SMC5: variants seen among roughly 807,000 people sequenced by gnomAD.
SMC5 encodes the protein structural maintenance of chromosomes 5.
A neutral mutation model predicts 148.3 loss-of-function variants in SMC5; 88 were observed. That is an observed-to-expected ratio of 0.59 (90% CI 0.50 to 0.71). SMC5 has a LOEUF of 0.71. SMC5 is among the 30% of genes least tolerant of loss of function. The probability of loss-of-function intolerance (pLI) is 0.00; values close to 1 mark genes in which losing one functional copy is unlikely to be tolerated. For missense variants in SMC5, 1,142 were observed against 1,298.9 expected (o/e 0.88, Z 1.86); for synonymous variants, 421 against 432.8 (o/e 0.97, Z 0.34).
chr9:70,267,900 A>T, intron 2 of SMC5, 23 bp from the exon 3 acceptor site: 1 of 1,600,408 alleles, frequency 6.2e-7, no homozygotes, highest in Non-Finnish European at 8.5e-7. Flanking sequence ...TACACAGCTC[A>T]CTTTTTCTTT....
intron 8 of SMC5, among the ~76,000 whole-genome samples, chr9:70,290,106 G>C (rs538169583): frequency 3.3e-5 from 5 of 152,154 alleles, no homozygotes; most frequent in African/African-American, 1.2e-4. Context: ...AAACACTTCT[G>C]GTGCCAAGCA....
At chr9:70,314,231 C>A (rs1314111303) in intron 11 of SMC5, among the ~76,000 whole-genome samples, 2 of 152,206 alleles carry the variant, frequency 1.3e-5, no homozygotes, top group African/African-American at 4.8e-5. Flanking sequence ...TACCAGAATT[C>A]TTTCCCCACT....
chr9:70,323,553 G>T lies in SMC5; in HGVS notation c.2221G>T (p.Glu741Ter), dbSNP rs2036000647. 1.9e-6 allele frequency: 3 copies of T among 1,611,664 alleles called. No homozygotes were observed. Among genetic ancestry groups the T allele is most frequent in the Admixed American group, 1.7e-5 (1 of 59,820 alleles). ...GCGAAAAGCAAGTACCAAAATCAAA[G>T]AAATAAATGTTCAAAAAGCGAAACT... ...EERKASTKIKEINVQKAKLVT... is the reference protein window; with the variant it reads ...EERKASTKIK Residue 741 changes from glutamate (E) to a stop codon, truncating the protein, a stop_gained, in exon 16 of 25, where the codon GAA (glutamate) becomes TAA (stop). Transcript: ENST00000361138. LOFTEE classifies it high-confidence loss of function.
At position 70,280,755 on chromosome 9, in the gene SMC5, G is replaced by A. The variant is rs1259737693; in HGVS notation, c.679-4G>A. 2 of 1,608,284 alleles carry A rather than the reference G, an allele frequency of 1.2e-6. No homozygotes were observed. Among genetic ancestry groups the A allele is most frequent in the African/African-American group, 1.3e-5 (1 of 74,522 alleles). Reference sequence around the variant, plus strand: ...ACTGATTGTTCAACATATATTTATTGTAGACCTCATGCAAAGAGAAAACTG... The same window carrying A: ...ACTGATTGTTCAACATATATTTATTATAGACCTCATGCAAAGAGAAAACTG... On this transcript the variant is annotated splice_region_variant and splice_polypyrimidine_tract_variant and intron_variant, in intron 5 of 24. Coordinates refer to ENST00000361138, the MANE Select transcript of SMC5 (RefSeq NM_015110.4).
At chr9:70,267,318 T>A (rs1328876399) in intron 2 of SMC5, among the ~76,000 whole-genome samples, 1 of 152,204 alleles carries the variant, frequency 6.6e-6, no homozygotes, top group Non-Finnish European at 1.5e-5. Flanking sequence ...AGGCTCAGAC[T>A]TTGTTTTCGG....
At chr9:70,273,752 TTTGA>T (rs1227666325) in intron 3 of SMC5, among the ~76,000 whole-genome samples, 4 of 152,224 alleles carry the variant, frequency 2.6e-5, no homozygotes, top group African/African-American at 9.6e-5. Context: ...TGGTTTCTAC[TTTGA>T]TTGTAGTGCA....
At chr9:70,308,812 C>T (rs978759314) in intron 11 of SMC5, among the ~76,000 whole-genome samples, 1 of 151,912 alleles carries the variant, frequency 6.6e-6, no homozygotes, top group Non-Finnish European at 1.5e-5. Flanking sequence ...TCTGGTTGTA[C>T]ATTGCTAGTA....
chr9:70,305,762 C>G (rs772630958), intron 11 of SMC5, among the ~76,000 whole-genome samples: 1 of 151,988 alleles, frequency 6.6e-6, no homozygotes, highest in Non-Finnish European at 1.5e-5. Flanking sequence ...ATAAATAAAA[C>G]GTCTTTAAAA....
intron 1 of SMC5, among the ~76,000 whole-genome samples, chr9:70,262,254 T>C (rs73446764): frequency 0.011 from 1,615 of 152,262 alleles, 23 homozygotes; most frequent in African/African-American, 0.036. Context: ...TAAGGAATTA[T>C]AGTCACAAAA....
chr9:70,317,850 A>G (rs2035842735), intron 13 of SMC5, among the ~76,000 whole-genome samples: 2 of 152,210 alleles, frequency 1.3e-5, no homozygotes, highest in Non-Finnish European at 1.5e-5. Context: ...TTCTTCCCAA[A>G]TATACAGGAA....
intron 8 of SMC5, among the ~76,000 whole-genome samples, chr9:70,295,003 A>T (rs2035156704): frequency 1.3e-5 from 2 of 152,226 alleles, no homozygotes; most frequent in Middle Eastern, 3.4e-3. Flanking sequence ...CTTCAGAGGA[A>T]CCAAAGTGGG....
intron 22 of SMC5, among the ~76,000 whole-genome samples, chr9:70,349,659 G>A (rs1036867605): frequency 9.9e-5 from 15 of 152,102 alleles, no homozygotes; most frequent in Admixed American, 4.6e-4. Context: ...GCCCTCTGCA[G>A]TTACCATACA....
At chr9:70,259,729 G>T (rs1466663506) in intron 1 of SMC5, among the ~76,000 whole-genome samples, 1 of 152,114 alleles carries the variant, frequency 6.6e-6, no homozygotes, top group Non-Finnish European at 1.5e-5. Context: ...TTCGGGAATG[G>T]AGGTTACAGG....
intron 10 of SMC5, among the ~76,000 whole-genome samples, chr9:70,301,392 A>G (rs763732109): frequency 3.3e-5 from 5 of 152,168 alleles, no homozygotes; most frequent in Admixed American, 6.5e-5. Context: ...AAAGAGATAT[A>G]TTCTGCTTTT....
chr9:70,331,960 C>T (rs79061843), intron 17 of SMC5, among the ~76,000 whole-genome samples: 312 of 152,016 alleles, frequency 2.1e-3, no homozygotes, highest in African/African-American at 4.6e-3. Flanking sequence ...CCACAATGCA[C>T]GTAGCATGAC....
At chr9:70,273,008 AC>A (rs1208949039) in intron 3 of SMC5, among the ~76,000 whole-genome samples, 1 of 152,140 alleles carries the variant, frequency 6.6e-6, no homozygotes, top group Non-Finnish European at 1.5e-5. Context: ...TCTTAGAATA[AC>A]CCAGTTTGGT....
At position 70,282,587 on chromosome 9, in the gene SMC5, CT is replaced by C. The variant is rs2034780349; in HGVS notation, c.981+9del. On this transcript the variant is annotated splice_donor_5th_base_variant and intron_variant, in intron 7 of 24. Coordinates refer to ENST00000361138, the MANE Select transcript of SMC5 (RefSeq NM_015110.4). ...GGAGGCTCGAATCAAAGAAAAGGTA[CT>C]TTTTGGTTTCAATTTTGGATTATCT... 1 of 1,549,864 alleles carries C rather than the reference CT, an allele frequency of 6.5e-7. No homozygotes were observed. Among genetic ancestry groups the C allele is most frequent in the Non-Finnish European group, 8.6e-7 (1 of 1,158,286 alleles).
intron 17 of SMC5, among the ~76,000 whole-genome samples, chr9:70,337,450 G>GTTTTTTTTTT (rs201218742): frequency 8.3e-6 from 1 of 119,938 alleles, no homozygotes; most frequent in African/African-American, 4.2e-5. Flanking sequence ...TTTGGGATTT[G>GTTTTTTTTTT]TTTTTTTTTT....
chr9:70,274,298 G>A (rs1005151773), intron 3 of SMC5, among the ~76,000 whole-genome samples: 1 of 152,040 alleles, frequency 6.6e-6, no homozygotes, highest in Admixed American at 6.6e-5. Context: ...AGCCAGGACG[G>A]TCTCGATCTC....
Sources: allele counts gnomAD v4.1 joint callset (sites outside exome capture counted in the v4.1 genomes callset), GRCh38; gene constraint gnomAD v4.1.1; transcripts MANE v1.5; gene names NCBI Gene and HGNC (gene_info 2026-07-23, HGNC 2026-07-21).